Variants in TUBB3 observed in about 807,000 individuals in gnomAD.
The protein encoded by TUBB3 is tubulin beta 3 class III, also known as tubulin beta-3 chain.
Under a neutral mutation model 37.8 loss-of-function variants are expected in TUBB3, and 17 were observed. That is an observed-to-expected ratio of 0.45 (90% CI 0.31 to 0.67). TUBB3 has a LOEUF of 0.67. Ranked by LOEUF, TUBB3 falls within the 30% of genes least tolerant of loss-of-function variation. TUBB3 has a pLI of 0.07. For synonymous variants in TUBB3, 332 were observed against 278.9 expected (o/e 1.19, Z -1.90); for missense variants, 262 against 657.9 (o/e 0.40, Z 6.58).
rs2030323124 is a variant in TUBB3 at position 89,932,766 on chromosome 16, A to G, written c.166+87A>G. ...TGACCAGGTCTCAGCACCTGGACTC[A>G]CCAGCTCTCAGCATCTCTGTCCTCC... On this transcript the variant is annotated intron_variant, in intron 2 of 3. Transcript: ENST00000315491. 2.8e-6 allele frequency: 3 copies of G among 1,077,280 alleles called. No homozygotes were observed. In the East Asian group the frequency reaches 7.7e-5, roughly 28 times the overall value. The allele number at this position is 1,077,280 out of a possible 1,614,324, so 66.7% of individuals were successfully genotyped here.
At chr16:89,928,710 G>A (rs2030173575) in intron 1 of TUBB3, among the ~76,000 whole-genome samples, 1 of 152,098 alleles carries the variant, frequency 6.6e-6, no homozygotes, top group South Asian at 2.1e-4. Flanking sequence ...ATTTTTAGTA[G>A]AGACAGGGTT....
chr16:89,933,423 C>T (rs371040203), intron 2 of TUBB3, 45 bp from the exon 3 acceptor site: 4 of 1,451,256 alleles, frequency 2.8e-6, no homozygotes, highest in Non-Finnish European at 3.9e-6. Flanking sequence ...GGGAGAGGCT[C>T]TGGCCCTCTG....
chr16:89,928,946 G>C (rs2030185570), intron 1 of TUBB3, among the ~76,000 whole-genome samples: 1 of 150,906 alleles, frequency 6.6e-6, no homozygotes, highest in African/African-American at 2.4e-5. Flanking sequence ...GCAGGCGTGA[G>C]CCACCGCGCC....
intron 3 of TUBB3, 156 bp from the exon 4 acceptor site, chr16:89,934,573 C>T (rs1010240555): frequency 8.0e-6 from 6 of 747,858 alleles, no homozygotes; most frequent in South Asian, 1.7e-5. Flanking sequence ...GAAGCCACGG[C>T]GGGTATGAGA....
At chr16:89,923,338 G>C (rs942213024), upstream of TUBB3, 32 of 1,381,644 alleles carry the variant, frequency 2.3e-5, no homozygotes, top group East Asian at 8.4e-4. Flanking sequence ...CGCGGTCCCC[G>C]ACCCTCAGCA....
At chr16:89,927,801 G>A (rs2030139664) in intron 1 of TUBB3, among the ~76,000 whole-genome samples, 1 of 152,218 alleles carries the variant, frequency 6.6e-6, no homozygotes, top group Non-Finnish European at 1.5e-5. Flanking sequence ...AATCCACTCT[G>A]CTCCATTGCT....
rs570044867 is a variant in TUBB3 at position 89,935,932 on chromosome 16, C to T, written c.*128C>T. 1 of 1,248,080 alleles carries T rather than the reference C, an allele frequency of 8.0e-7. No individual in the cohort carries two copies. Among genetic ancestry groups the T allele is most frequent in the African/African-American group, 1.5e-5 (1 of 66,482 alleles). The allele number at this position is 1,248,080 out of a possible 1,614,324, so 77.3% of individuals were successfully genotyped here. ...CGCCCTAGGGCTCCCTTGCCGCCCT[C>T]CTGCAGTATTTATGGCCTCGTCCTC... is the stretch of plus-strand genomic sequence containing the variant. On this transcript the variant is annotated 3_prime_UTR_variant, in exon 4 of 4. Transcript: ENST00000315491.
intron 1 of TUBB3, among the ~76,000 whole-genome samples, chr16:89,926,315 C>A (rs1435389187): frequency 6.6e-6 from 1 of 152,212 alleles, no homozygotes; most frequent in Non-Finnish European, 1.5e-5. Flanking sequence ...GAGTCCCTGG[C>A]TCGCCCCGCC....
intron 1 of TUBB3, among the ~76,000 whole-genome samples, chr16:89,929,690 C>T (rs1349590760): frequency 6.6e-6 from 1 of 152,116 alleles, no homozygotes; most frequent in Non-Finnish European, 1.5e-5. Flanking sequence ...GAGAAGCACC[C>T]ACAAGCAGTT....
At position 89,932,604 on chromosome 16, in the gene TUBB3, G is replaced by C; in HGVS notation, c.91G>C (p.Asp31His). ...WEVISDEHGI[D>H]PSGNYVGDSD... Reference sequence around the variant, plus strand: ...AGTCATCAGTGATGAGCATGGCATCGACCCCAGCGGCAACTACGTGGGCGA... The same window carrying C: ...AGTCATCAGTGATGAGCATGGCATCCACCCCAGCGGCAACTACGTGGGCGA... The change falls in exon 2 of 4, where the codon GAC (aspartate) becomes CAC (histidine). Residue 31 changes from aspartate (D) to histidine (H), a missense_variant. By Grantham distance (81) the Asp-to-His change is moderately conservative (BLOSUM62 -1). Transcript: ENST00000315491. 1 of 1,614,106 alleles carries C rather than the reference G, an allele frequency of 6.2e-7. No individual in the cohort carries two copies.
At chr16:89,932,458 C>T (rs117643068) in intron 1 of TUBB3, 113 bp from the exon 2 acceptor site, 6 of 808,788 alleles carry the variant, frequency 7.4e-6, no homozygotes, top group Non-Finnish European at 1.3e-5. Context: ...CTCGTGGAGG[C>T]CGTGGGTCAA....
chr16:89,934,702 T>A, intron 3 of TUBB3, 27 bp from the exon 4 acceptor site: 1 of 1,610,900 alleles, frequency 6.2e-7, no homozygotes, highest in Non-Finnish European at 8.5e-7. Flanking sequence ...CTGGCCCCTG[T>A]CTCTTACCCC....
At chr16:89,931,353 C>T (rs2030271309) in intron 1 of TUBB3, among the ~76,000 whole-genome samples, 1 of 152,226 alleles carries the variant, frequency 6.6e-6, no homozygotes, top group Non-Finnish European at 1.5e-5. Flanking sequence ...GCCTTCATAC[C>T]CGTCAGCTCA....
At chr16:89,925,235 C>T (rs1303734197) in intron 1 of TUBB3, among the ~76,000 whole-genome samples, 1 of 152,084 alleles carries the variant, frequency 6.6e-6, no homozygotes, top group African/African-American at 2.4e-5. Flanking sequence ...TCTTAGTTTG[C>T]CCGCTACTTT....
intron 1 of TUBB3, among the ~76,000 whole-genome samples, chr16:89,924,224 C>G (rs982017747): frequency 1.3e-5 from 2 of 152,212 alleles, no homozygotes; most frequent in Non-Finnish European, 2.9e-5. Context: ...GTTGGGGCCA[C>G]GCAGAAAGGG....
chr16:89,925,248 AT>A (rs2144402319), intron 1 of TUBB3, among the ~76,000 whole-genome samples: 1 of 152,126 alleles, frequency 6.6e-6, no homozygotes, highest in African/African-American at 2.4e-5. Flanking sequence ...GCTACTTTTT[AT>A]TCCTTTTGAG....
chr16:89,930,226 T>G lies in TUBB3; in HGVS notation c.58-2345T>G, dbSNP rs552832113. 4.0e-5 allele frequency among the ~76,000 whole-genome samples: 6 copies of G among 151,778 alleles called. No individual in the cohort carries two copies. The South Asian group carries it at 1.2e-3, about 32-fold the overall frequency. ...TTCAAGCAATTCTCCTGCCTCAGCC[T>G]CTCGAGTAGCTGGGAGTACAGGTGC... On this transcript the variant is annotated intron_variant, in intron 1 of 3. Coordinates refer to ENST00000315491, the MANE Select transcript of TUBB3 (RefSeq NM_006086.4).
At position 89,935,597 on chromosome 16, in the gene TUBB3, C is replaced by T. The variant is rs11554953; in HGVS notation, c.1146C>T (p.Ser382=). Residue 382 remains serine (S), a synonymous_variant, in exon 4 of 4, where the codon TCC becomes TCT. Transcript: ENST00000315491. The part of the protein sequence containing the change: ...TAIQELFKRI[S]EQFTAMFRRK... ...TCCAGGAGCTGTTCAAGCGCATCTC[C>T]GAGCAGTTCACGGCCATGTTCCGGC... 1.2e-5 allele frequency: 20 copies of T among 1,613,946 alleles called. No individual in the cohort carries two copies. The highest frequency in any genetic ancestry group is 2.2e-5 in the East Asian group (1 of 44,882).
intron 1 of TUBB3, among the ~76,000 whole-genome samples, chr16:89,926,354 G>C (rs1450231430): frequency 6.6e-6 from 1 of 152,230 alleles, no homozygotes; most frequent in Non-Finnish European, 1.5e-5. Context: ...GCGGAGCCGC[G>C]GGCCGGGCGG....
Sources: gnomAD v4.1 joint callset for allele counts (sites outside exome capture counted in the v4.1 genomes callset) on GRCh38, gnomAD v4.1.1 for gene constraint, MANE v1.5 for transcripts, NCBI Gene and HGNC (gene_info 2026-07-23, HGNC 2026-07-21) for gene names.